Variants in CBR4 observed in about 807,000 individuals in gnomAD.
The protein encoded by CBR4 is 3-oxoacyl-[acyl-carrier-protein] reductase.
CBR4 carries 22 observed loss-of-function variants against 21.0 expected under a neutral mutation model. The observed-to-expected ratio is 1.05, with a 90% CI of 0.75 to 1.50. The LOEUF (loss-of-function observed/expected upper bound fraction) is 1.50, where lower values mean the gene tolerates loss of function less well. Among genes scored for constraint, CBR4 ranks in the 40% most tolerant of loss-of-function variants. The pLI, the probability that CBR4 is intolerant of heterozygous loss-of-function variation, is 0.00. For missense variants in CBR4, 302 were observed against 286.3 expected (o/e 1.05, Z -0.40); for synonymous variants, 100 against 104.4 (o/e 0.96, Z 0.26).
chr4:168,925,428 G>A (rs1253964542), intron 2 of CBR4: 2 of 706,012 alleles, frequency 2.8e-6, no homozygotes, highest in Non-Finnish European at 5.2e-6. Flanking sequence ...TCTTGTTACT[G>A]TGTTCTGCAA....
chr4:168,894,579 A>G, exon 3 of CBR4: 1 of 1,603,678 alleles, frequency 6.2e-7, no homozygotes, highest in Non-Finnish European at 8.5e-7. Flanking sequence ...CGTTGTTTAG[A>G]GGTTAACATA....
At position 168,989,244 on chromosome 4, in the gene CBR4, A is replaced by G; in HGVS notation, c.*906T>C. 1.0e-6 allele frequency: 1 copy of G among 980,204 alleles called. No homozygotes were observed. Among genetic ancestry groups the G allele is most frequent in the Non-Finnish European group, 1.2e-6 (1 of 825,184 alleles). The allele number at this position is 980,204 out of a possible 1,614,324, so 60.7% of individuals were successfully genotyped here. A position where few individuals can be genotyped will look rare whatever the true frequency, so the allele number is the denominator to read the frequency against. Reference sequence around the variant, plus strand: ...AATGTTGTATTTCTCGTTTTTAAATATTAATAGTTCACTATTCTAAGTTTT... The same window carrying G: ...AATGTTGTATTTCTCGTTTTTAAATGTTAATAGTTCACTATTCTAAGTTTT... On this transcript the variant is annotated 3_prime_UTR_variant, in exon 5 of 5. Transcript: ENST00000306193.
At chr4:168,928,881 A>G (rs1482538650) in intron 2 of CBR4, among the ~76,000 whole-genome samples, 1 of 152,198 alleles carries the variant, frequency 6.6e-6, no homozygotes, top group Non-Finnish European at 1.5e-5. Flanking sequence ...AGGCCCATCC[A>G]GATAATCTCC....
At chr4:168,956,996 C>T (rs371721405) in intron 2 of CBR4, among the ~76,000 whole-genome samples, 1 of 152,102 alleles carries the variant, frequency 6.6e-6, no homozygotes, top group African/African-American at 2.4e-5. Context: ...TATACATGAA[C>T]AAGATTCCTA....
chr4:168,965,935 A>G (rs1184184393), intron 2 of CBR4, among the ~76,000 whole-genome samples: 2 of 152,182 alleles, frequency 1.3e-5, no homozygotes. Flanking sequence ...ACAGCAAAAG[A>G]AACTATCATC....
At position 168,898,575 on chromosome 4, in the gene CBR4, G is replaced by T. The variant is rs864622234; in HGVS notation, n.170-3810C>A. ...GAAAGGTCTCCTGTGGATGAATCAG[G>T]TGATGAAGTTCAGTATGGAGATGTG... On this transcript the variant is annotated intron_variant and non_coding_transcript_variant, in intron 2 of 3. Coordinates refer to the CBR4 transcript ENST00000509108. 2 of 1,613,788 alleles carry T rather than the reference G, an allele frequency of 1.2e-6. No homozygotes were observed. The highest frequency in any genetic ancestry group is 1.7e-6 in the Non-Finnish European group (2 of 1,179,638).
chr4:168,979,096 G>A lies in CBR4; in HGVS notation n.169+22975C>T, dbSNP rs368427011. ...AAAAAGAGGCCACACTATTTTCCACGCAGGTCCCTCCTCCTGTTACTCCTC... is the reference window on the plus strand; with the variant it reads ...AAAAAGAGGCCACACTATTTTCCACACAGGTCCCTCCTCCTGTTACTCCTC... On this transcript the variant is annotated intron_variant and non_coding_transcript_variant, in intron 2 of 3. Coordinates refer to the CBR4 transcript ENST00000509108. 2.6e-4 allele frequency among the ~76,000 whole-genome samples: 39 copies of A among 151,616 alleles called. No homozygotes were observed. In the East Asian group the frequency reaches 4.3e-3, roughly 17 times the overall value.
intron 2 of CBR4, among the ~76,000 whole-genome samples, chr4:168,899,845 A>T (rs1451036523): frequency 1.3e-5 from 2 of 151,780 alleles, no homozygotes; most frequent in East Asian, 3.9e-4. Context: ...GGAACCCAGG[A>T]GGTGGAGGTT....
rs1731038137 is a variant in CBR4 at position 169,007,726 on chromosome 4, GC to G, written c.172del (p.Ala58LeufsTer17). The G allele has an allele frequency of 6.3e-7, 1 of 1,586,976 alleles. No homozygotes were observed. The highest frequency in any genetic ancestry group is 1.2e-5 in the South Asian group (1 of 86,096). On this transcript the variant is annotated frameshift_variant, in exon 2 of 5. Coordinates refer to ENST00000306193, the MANE Select transcript of CBR4 (RefSeq NM_032783.5). LOFTEE classifies it high-confidence loss of function. ...GDHLAFSCDV[A>X]KEHDVQNTFE... is the part of the protein sequence containing the mutation. Reference sequence around the variant, plus strand: ...TGTATTTTGAACATCATGTTCTTTAGCAACATCACAGCTAAATGCCAAATGA... The same window carrying G: ...TGTATTTTGAACATCATGTTCTTTAGAACATCACAGCTAAATGCCAAATGA...
At chr4:168,912,504 A>T (rs527259709) in intron 2 of CBR4, among the ~76,000 whole-genome samples, 1 of 152,332 alleles carries the variant, frequency 6.6e-6, no homozygotes, top group East Asian at 1.9e-4. Flanking sequence ...CAAAGTAACA[A>T]TGTGTGGCTT....
rs369743271 is a variant in CBR4, at chr4:168,916,716, C to G, written n.170-21951G>C. 5.6e-5 allele frequency among the ~76,000 whole-genome samples: 8 copies of G among 143,918 alleles called. No individual in the cohort carries two copies. In the South Asian group the frequency reaches 8.8e-4, roughly 16 times the overall value. The allele number at this position is 143,918 out of a possible 152,430, so 94.4% of individuals were successfully genotyped here. ...TTTTTTTTTGAGACAGAGTCTCACT[C>G]TGTCACCAGGCTGGAGTGCAGTGGT... On this transcript the variant is annotated intron_variant and non_coding_transcript_variant, in intron 2 of 3. Coordinates refer to the CBR4 transcript ENST00000509108.
intron 2 of CBR4, among the ~76,000 whole-genome samples, chr4:168,900,449 C>T (rs1756258166): frequency 6.6e-6 from 1 of 151,906 alleles, no homozygotes; most frequent in South Asian, 2.1e-4. Context: ...CCAAAAAATA[C>T]AAATTTATAA....
In CBR4 at chr4:168,976,516, G is replaced by A. The variant is rs111953103; in HGVS notation, n.169+25555C>T. 9.6e-4 allele frequency among the ~76,000 whole-genome samples: 147 copies of A among 152,354 alleles called. 1 individual carries two copies. The highest frequency in any genetic ancestry group is 3.4e-3 in the African/African-American group (142 of 41,578). The stretch of plus-strand genomic sequence containing the variant: ...AGTTCTTATAGATTTGGGATAGGAG[G>A]TGGAGTTAGGAGCAATTTTTTGTAG... On this transcript the variant is annotated intron_variant and non_coding_transcript_variant, in intron 2 of 3. Coordinates refer to the CBR4 transcript ENST00000509108.
In CBR4 at chr4:168,993,074, A is replaced by G. The variant is rs541430770; in HGVS notation, c.536-2746T>C. Among the ~76,000 whole-genome samples, 147 of 152,354 alleles carry G rather than the reference A, an allele frequency of 9.6e-4. 1 individual carries two copies. The highest frequency in any genetic ancestry group is 3.4e-3 in the African/African-American group (142 of 41,588). On this transcript the variant is annotated intron_variant, in intron 4 of 4. Coordinates refer to ENST00000306193, the MANE Select transcript of CBR4 (RefSeq NM_032783.5). ...AGATATTGATACTAGCCTCTGCAGAATTTCCAACAAACTATAAATGAAACT... is the reference window on the plus strand; with the variant it reads ...AGATATTGATACTAGCCTCTGCAGAGTTTCCAACAAACTATAAATGAAACT...
chr4:168,991,052 C>T (rs2126810541), intron 4 of CBR4, among the ~76,000 whole-genome samples: 1 of 152,080 alleles, frequency 6.6e-6, no homozygotes, highest in African/African-American at 2.4e-5. Context: ...GAAACTCCAT[C>T]TCAAAAAAAG....
At chr4:168,958,201 T>C (rs1164881729) in intron 2 of CBR4, among the ~76,000 whole-genome samples, 2 of 151,550 alleles carry the variant, frequency 1.3e-5, no homozygotes, top group African/African-American at 2.4e-5. Flanking sequence ...GAGGCGGAGG[T>C]TGCAGTGAGC....
At chr4:168,928,682 G>A (rs998738328) in intron 2 of CBR4, among the ~76,000 whole-genome samples, 2 of 152,162 alleles carry the variant, frequency 1.3e-5, no homozygotes, top group Non-Finnish European at 2.9e-5. Flanking sequence ...ATAGCTCTGT[G>A]CAATTGTAGA....
chr4:168,914,366 C>T (rs1051481253), intron 2 of CBR4, among the ~76,000 whole-genome samples: 2 of 152,218 alleles, frequency 1.3e-5, no homozygotes, highest in Admixed American at 6.5e-5. Flanking sequence ...ACTTCTGTAA[C>T]CAACAGCTGT....
intron 2 of CBR4, among the ~76,000 whole-genome samples, chr4:168,899,309 T>C (rs1030167183): frequency 2.7e-4 from 41 of 152,034 alleles, no homozygotes; most frequent in Non-Finnish European, 5.0e-4. Flanking sequence ...CTGCCCTATC[T>C]TTAAAGGAAG....
Sources: gnomAD v4.1 joint callset for allele counts (sites outside exome capture counted in the v4.1 genomes callset) on GRCh38, gnomAD v4.1.1 for gene constraint, MANE v1.5 for transcripts, NCBI Gene and HGNC (gene_info 2026-07-23, HGNC 2026-07-21) for gene names.